The following ZNF704 variants were observed in gnomAD, a reference collection of about 807,000 sequenced individuals.
ZNF704 encodes the protein glucocorticoid induced gene 1.
In ZNF704, 10 loss-of-function variants were observed where a neutral mutation model predicts 44.7. That is an observed-to-expected ratio of 0.22 (90% CI 0.14 to 0.38). ZNF704 has a LOEUF of 0.38. ZNF704 is among the 10% of genes least tolerant of loss of function. The pLI, the probability that ZNF704 is intolerant of heterozygous loss-of-function variation, is 1.00. For missense variants in ZNF704, 390 were observed against 545.5 expected (o/e 0.71, Z 2.84); for synonymous variants, 211 against 207.6 (o/e 1.02, Z -0.14).
At chr8:80,660,404 C>T (rs1324159066) in intron 6 of ZNF704, among the ~76,000 whole-genome samples, 2 of 148,940 alleles carry the variant, frequency 1.3e-5, no homozygotes, top group Admixed American at 6.8e-5. Context: ...CCCAGGAGTT[C>T]GAGGTTGCAG....
At chr8:80,872,696 A>G (rs1809273276) in intron 1 of ZNF704, among the ~76,000 whole-genome samples, 1 of 152,198 alleles carries the variant, frequency 6.6e-6, no homozygotes, top group African/African-American at 2.4e-5. Flanking sequence ...AAGCCCAACC[A>G]GTCAGTTGTG....
chr8:80,735,863 G>GC (rs1806656878), intron 2 of ZNF704, among the ~76,000 whole-genome samples: 2 of 152,134 alleles, frequency 1.3e-5, no homozygotes, highest in Admixed American at 1.3e-4. Flanking sequence ...ATTACCTTCA[G>GC]CAGGTGATTT....
intron 4 of ZNF704, among the ~76,000 whole-genome samples, chr8:80,685,058 A>T (rs1818512248): frequency 6.6e-6 from 1 of 152,072 alleles, no homozygotes; most frequent in African/African-American, 2.4e-5. Context: ...AGAAGGATAA[A>T]CACTATTCTT....
intron 2 of ZNF704, among the ~76,000 whole-genome samples, chr8:80,713,557 C>A (rs113937511): frequency 1.3e-5 from 2 of 152,104 alleles, no homozygotes; most frequent in Non-Finnish European, 2.9e-5. Flanking sequence ...TGATAAAATT[C>A]GTATCAGGCA....
In ZNF704 at chr8:80,874,072, C is replaced by A. The variant is rs1809312736; in HGVS notation, c.-22+499G>T. ...CTGAGCGCGGGGTTGCGGGCCGCGG[C>A]GCGGGGCCGGAGAGTTTGTCACCTC... On this transcript the variant is annotated intron_variant, in intron 1 of 8. Transcript: ENST00000327835. The surrounding 1 kb of genome is among the most constrained non-coding windows in gnomAD (Gnocchi z 4.4). 2.0e-5 allele frequency among the ~76,000 whole-genome samples: 3 copies of A among 146,712 alleles called. No individual in the cohort carries two copies. Among genetic ancestry groups the A allele is most frequent in the Admixed American group, 6.8e-5 (1 of 14,800 alleles).
At chr8:80,664,137 G>A (rs1458469212) in intron 6 of ZNF704, among the ~76,000 whole-genome samples, 2 of 150,292 alleles carry the variant, frequency 1.3e-5, no homozygotes, top group Non-Finnish European at 3.0e-5. Flanking sequence ...TCGCTCTGTC[G>A]CCAGGCTGGA....
intron 2 of ZNF704, among the ~76,000 whole-genome samples, chr8:80,789,985 C>T (rs1807677119): frequency 6.6e-6 from 1 of 152,046 alleles, no homozygotes; most frequent in South Asian, 2.1e-4. Flanking sequence ...TACAAGTATG[C>T]GTTTCAGAAT....
chr8:80,813,926 G>A (rs73262572), intron 2 of ZNF704, among the ~76,000 whole-genome samples: 9,968 of 152,144 alleles, frequency 0.066, 333 homozygotes, highest in Non-Finnish European at 0.076. Context: ...AATGTTACTA[G>A]GGTTAGTACA....
chr8:80,715,888 T>C (rs1287815402), intron 2 of ZNF704, among the ~76,000 whole-genome samples: 4 of 152,068 alleles, frequency 2.6e-5, no homozygotes, highest in Non-Finnish European at 5.9e-5. Flanking sequence ...GAGACCAGCC[T>C]GGGCAACATG....
At chr8:80,721,138 TC>T (rs1422631702) in intron 2 of ZNF704, among the ~76,000 whole-genome samples, 12 of 152,180 alleles carry the variant, frequency 7.9e-5, no homozygotes, top group Non-Finnish European at 5.9e-5. Context: ...CAGCACTGTC[TC>T]CTATGCTCAC....
chr8:80,757,354 A>T (rs149232050), intron 2 of ZNF704, among the ~76,000 whole-genome samples: 16 of 152,334 alleles, frequency 1.1e-4, no homozygotes, highest in African/African-American at 3.8e-4. Context: ...TAAAAATTTT[A>T]AAAATGGAAG....
chr8:80,761,420 C>A (rs985429496), intron 2 of ZNF704, among the ~76,000 whole-genome samples: 5 of 152,134 alleles, frequency 3.3e-5, no homozygotes, highest in Non-Finnish European at 2.9e-5. Flanking sequence ...ATAAATTTAA[C>A]CTTTTTGGGG....
chr8:80,643,413 G>T (rs577848684), intron 7 of ZNF704, among the ~76,000 whole-genome samples: 1 of 151,452 alleles, frequency 6.6e-6, no homozygotes, highest in Non-Finnish European at 1.5e-5. Context: ...AGCTACTTGG[G>T]AGGCTGAGGC....
intron 2 of ZNF704, among the ~76,000 whole-genome samples, chr8:80,817,099 TAAAC>T (rs1245151201): frequency 1.3e-5 from 2 of 152,120 alleles, no homozygotes; most frequent in Non-Finnish European, 2.9e-5. Context: ...AGGGCCCTCT[TAAAC>T]AATGAAGATT....
chr8:80,659,671 T>A lies in ZNF704; in HGVS notation c.946A>T (p.Ile316Phe). The change falls in exon 7 of 9, where the codon ATT (isoleucine) becomes TTT (phenylalanine). Residue 316 changes from isoleucine (I) to phenylalanine (F), a missense_variant. By Grantham distance (21) the Ile-to-Phe change is conservative (BLOSUM62 0). Coordinates refer to ENST00000327835, the MANE Select transcript of ZNF704 (RefSeq NM_001033723.3). ...GGGGTGAACTTGGCCGATCCTGGAA[T>A]GGTCACAGGGGGTGTGGCCTGTCAA... ...HAYQATPPVTIPGSAKFTPNG... is the reference protein window; with the variant it reads ...HAYQATPPVTFPGSAKFTPNG... The A allele has an allele frequency of 6.2e-7, 1 of 1,613,954 alleles. No individual in the cohort carries two copies. Among genetic ancestry groups the A allele is most frequent in the Non-Finnish European group, 8.5e-7 (1 of 1,179,882 alleles).
chr8:80,754,432 T>C (rs1400132831), intron 2 of ZNF704, among the ~76,000 whole-genome samples: 1 of 152,168 alleles, frequency 6.6e-6, no homozygotes, highest in Non-Finnish European at 1.5e-5. Flanking sequence ...TTAAAACAAG[T>C]ATTAAATTTC....
chr8:80,668,970 T>C (rs557433227), intron 5 of ZNF704, among the ~76,000 whole-genome samples: 1 of 152,120 alleles, frequency 6.6e-6, no homozygotes, highest in African/African-American at 2.4e-5. Context: ...CTATGAACCA[T>C]AATTCACCAG....
At chr8:80,710,475 T>C (rs1052364527) in intron 2 of ZNF704, among the ~76,000 whole-genome samples, 4 of 152,168 alleles carry the variant, frequency 2.6e-5, no homozygotes, top group African/African-American at 9.7e-5. Context: ...CTACAGTATG[T>C]ATGTGTTACG....
chr8:80,884,087 T>C, the ZNF704 span, among the ~76,000 whole-genome samples: 2 of 152,366 alleles, frequency 1.3e-5, no homozygotes, highest in East Asian at 3.9e-4. Flanking sequence ...TTTGTTGTTA[T>C]GCCTGTTAAT....
Sources: gnomAD v4.1 joint callset for allele counts (sites outside exome capture counted in the v4.1 genomes callset) on GRCh38, gnomAD v4.1.1 for gene constraint, Gnocchi (gnomAD v3.1) non-coding constraint, MANE v1.5 for transcripts, NCBI Gene and HGNC (gene_info 2026-07-23, HGNC 2026-07-21) for gene names.